The following SOHLH2 variants were observed in gnomAD, a reference collection of about 807,000 sequenced individuals.
The protein encoded by SOHLH2 is spermatogenesis- and oogenesis-specific basic helix-loop-helix-containing protein 2.
Under a neutral mutation model 50.4 loss-of-function variants are expected in SOHLH2, and 22 were observed. That is an observed-to-expected ratio of 0.44 (90% CI 0.31 to 0.62). SOHLH2 has a LOEUF of 0.62. Among genes scored for constraint, SOHLH2 ranks in the 20% least tolerant of loss-of-function variants. SOHLH2 has a pLI of 0.08. For missense variants in SOHLH2, 412 were observed against 504.4 expected (o/e 0.82, Z 1.76); for synonymous variants, 185 against 187.3 (o/e 0.99, Z 0.10).
chr13:36,196,553 A>C (rs1388275287), intron 2 of SOHLH2, among the ~76,000 whole-genome samples: 1 of 152,228 alleles, frequency 6.6e-6, no homozygotes, highest in Non-Finnish European at 1.5e-5. Flanking sequence ...ATTATTGGGT[A>C]GTTTAAATGT....
chr13:36,192,957 T>G (rs1166018754), intron 4 of SOHLH2, among the ~76,000 whole-genome samples: 1 of 152,206 alleles, frequency 6.6e-6, no homozygotes, highest in Non-Finnish European at 1.5e-5. Flanking sequence ...TTTTAAAAGA[T>G]TTCTTATTTA....
chr13:36,181,500 G>T (rs1203652556), intron 6 of SOHLH2, among the ~76,000 whole-genome samples: 1 of 151,820 alleles, frequency 6.6e-6, no homozygotes, highest in Non-Finnish European at 1.5e-5. Context: ...TATCTCTTTA[G>T]GGTTGCTCTA....
chr13:36,181,760 A>G (rs1566037697), intron 6 of SOHLH2, among the ~76,000 whole-genome samples: 1 of 152,174 alleles, frequency 6.6e-6, no homozygotes, highest in Non-Finnish European at 1.5e-5. Context: ...GACATTTATC[A>G]TTTCTGGTGC....
chr13:36,204,468 T>C (rs1399515513), intron 1 of SOHLH2, among the ~76,000 whole-genome samples: 1 of 152,208 alleles, frequency 6.6e-6, no homozygotes, highest in Non-Finnish European at 1.5e-5. Context: ...GTGATGAATA[T>C]GAGGTAGGTA....
At position 36,168,926 on chromosome 13, in the gene SOHLH2, A is replaced by G; in HGVS notation, c.*108T>C. The stretch of plus-strand genomic sequence containing the variant: ...GCCAAACCATGCCAACTCTTTTGAT[A>G]TTAGGTCTTTGGGTGGAGCTTTCAA... On this transcript the variant is annotated 3_prime_UTR_variant, in exon 11 of 11. Transcript: ENST00000379881. 2.7e-6 allele frequency: 4 copies of G among 1,494,958 alleles called. No individual in the cohort carries two copies. The highest frequency in any genetic ancestry group is 3.6e-6 in the Non-Finnish European group (4 of 1,122,666). 92.6% of individuals were successfully genotyped at this position (1,494,958 alleles called of 1,614,324 possible). A position where few individuals can be genotyped will look rare whatever the true frequency, so the allele number is the denominator to read the frequency against.
intron 2 of SOHLH2, among the ~76,000 whole-genome samples, chr13:36,199,897 A>G (rs1011650712): frequency 1.3e-5 from 2 of 152,258 alleles, no homozygotes; most frequent in Admixed American, 6.5e-5. Flanking sequence ...GAGACCAGCC[A>G]TATTGAATTG....
chr13:36,213,337 G>A (rs963231826), intron 1 of SOHLH2, among the ~76,000 whole-genome samples: 1 of 152,092 alleles, frequency 6.6e-6, no homozygotes, highest in African/African-American at 2.4e-5. Context: ...CCTCTATCTT[G>A]AAAAATTAAG....
At chr13:36,202,182 C>G (rs1253326755) in intron 1 of SOHLH2, 89 bp from the exon 2 acceptor site, 1 of 1,460,488 alleles carries the variant, frequency 6.8e-7, no homozygotes, top group Non-Finnish European at 9.3e-7. Flanking sequence ...AAATAAAGCT[C>G]ACAAATAACA....
rs376577279 is a variant in SOHLH2, at chr13:36,213,884, CTAAA to C, written c.48+591_48+594del. Among the ~76,000 whole-genome samples the C allele has an allele frequency of 1.2e-3, 186 of 152,220 alleles. 1 individual carries two copies. Among genetic ancestry groups the C allele is most frequent in the African/African-American group, 2.4e-3 (98 of 41,534 alleles). On this transcript the variant is annotated intron_variant, in intron 1 of 10. Coordinates refer to ENST00000379881, the MANE Select transcript of SOHLH2 (RefSeq NM_017826.3). ...ACGGGAATGCAGGAAAATAACGCGC[CTAAA>C]TAAACTTTCTTATATTAAAAATAAA...
At chr13:36,182,949 C>T (rs76477628) in intron 6 of SOHLH2, 4,885 of 157,804 alleles carry the variant, frequency 0.031, 108 homozygotes, top group Non-Finnish European at 0.048. Flanking sequence ...GGAGGTGGAA[C>T]CTGGTGGGAG....
At chr13:36,194,551 G>C (rs562838275) in intron 2 of SOHLH2, among the ~76,000 whole-genome samples, 1 of 152,252 alleles carries the variant, frequency 6.6e-6, no homozygotes, top group African/African-American at 2.4e-5. Flanking sequence ...TAACCGCTGA[G>C]GCTACATTAT....
In SOHLH2 at chr13:36,174,632, C is replaced by T. The variant is rs1008218446; in HGVS notation, c.790-65G>A. 27 of 1,601,842 alleles carry T rather than the reference C, an allele frequency of 1.7e-5. No individual in the cohort carries two copies. The African/African-American group carries it at 2.3e-4, about 14-fold the overall frequency. The stretch of plus-strand genomic sequence containing the variant: ...TTTTACATAGATACAAAGACACATA[C>T]TTTCCAATGATAAAAAATTAAAAGA... On this transcript the variant is annotated intron_variant, in intron 7 of 10. Coordinates refer to ENST00000379881, the MANE Select transcript of SOHLH2 (RefSeq NM_017826.3).
chr13:36,190,199 A>G, intron 5 of SOHLH2, 143 bp from the exon 6 acceptor site: 1 of 567,416 alleles, frequency 1.8e-6, no homozygotes, highest in Non-Finnish European at 2.8e-6. Flanking sequence ...TCAAAACACC[A>G]TATCTTAGAC....
chr13:36,197,930 T>G (rs999959929), intron 2 of SOHLH2, among the ~76,000 whole-genome samples: 9 of 152,324 alleles, frequency 5.9e-5, no homozygotes, highest in African/African-American at 2.2e-4. Flanking sequence ...TTAGATGTTT[T>G]GCTGTTACTG....
chr13:36,213,844 C>T (rs191145266), intron 1 of SOHLH2, among the ~76,000 whole-genome samples: 3 of 152,160 alleles, frequency 2.0e-5, no homozygotes, highest in Non-Finnish European at 4.4e-5. Context: ...AATAAGCATG[C>T]CCAGCTGTGC....
intron 2 of SOHLH2, among the ~76,000 whole-genome samples, chr13:36,194,089 TTTATCCAAA>T (rs1887653714): frequency 6.6e-6 from 1 of 151,642 alleles, no homozygotes; most frequent in African/African-American, 2.4e-5. Context: ...AAGCCTAAAC[TTTATCCAAA>T]TTTTTGGTCA....
intron 9 of SOHLH2, among the ~76,000 whole-genome samples, chr13:36,171,277 T>C (rs76800670): frequency 0.14 from 21,364 of 152,238 alleles, 1,588 homozygotes; most frequent in East Asian, 0.2. Flanking sequence ...AATAATATAA[T>C]GGTATGTCTA....
At chr13:36,173,119 C>T (rs1412171244) in intron 9 of SOHLH2, among the ~76,000 whole-genome samples, 1 of 152,146 alleles carries the variant, frequency 6.6e-6, no homozygotes, top group Non-Finnish European at 1.5e-5. Flanking sequence ...TGAGCCCCTC[C>T]TGTATGTTGG....
At chr13:36,172,535 C>T (rs1296751740) in intron 9 of SOHLH2, among the ~76,000 whole-genome samples, 1 of 152,212 alleles carries the variant, frequency 6.6e-6, no homozygotes, top group Non-Finnish European at 1.5e-5. Context: ...CATTTGTTCC[C>T]ATGGCTTCCG....
Sources: allele counts gnomAD v4.1 joint callset (sites outside exome capture counted in the v4.1 genomes callset), GRCh38; gene constraint gnomAD v4.1.1; transcripts MANE v1.5; gene names NCBI Gene and HGNC (gene_info 2026-07-23, HGNC 2026-07-21).